The following DDAH1 variants were observed in gnomAD, a reference collection of about 807,000 sequenced individuals.
DDAH1 encodes N(G),N(G)-dimethylarginine dimethylaminohydrolase 1.
A neutral mutation model predicts 28.8 loss-of-function variants in DDAH1; 19 were observed. The observed-to-expected ratio is 0.66, with a 90% confidence interval of 0.46 to 0.97. DDAH1 has a LOEUF of 0.97. Among genes scored for constraint, DDAH1 ranks in the 50% least tolerant of loss-of-function variants. The pLI, the probability that DDAH1 is intolerant of heterozygous loss-of-function variation, is 0.00. For missense variants in DDAH1, 326 were observed against 375.9 expected, an observed-to-expected ratio of 0.87 and a Z score of 1.10; for synonymous variants, 153 against 154.4, an observed-to-expected ratio of 0.99 and a Z score of 0.07.
At chr1:85,345,988 T>G (rs1366026980) in intron 4 of DDAH1, among the ~76,000 whole-genome samples, 1 of 152,188 alleles carries the variant, frequency 6.6e-6, no homozygotes, top group East Asian at 1.9e-4. Context: ...CTATTAACTC[T>G]ACTATAATCT....
At chr1:85,439,186 A>C (rs1008587331) in intron 1 of DDAH1, among the ~76,000 whole-genome samples, 6 of 152,188 alleles carry the variant, frequency 3.9e-5, no homozygotes, top group Non-Finnish European at 8.8e-5. Flanking sequence ...CAGGGGTGGA[A>C]TATGAATGTT....
chr1:85,521,240 T>C (rs1392752715), intron 1 of DDAH1, among the ~76,000 whole-genome samples: 16 of 151,640 alleles, frequency 1.1e-4, no homozygotes, highest in African/African-American at 3.9e-4. Context: ...AACCACTGAT[T>C]GGAAACTTGA....
intron 1 of DDAH1, among the ~76,000 whole-genome samples, chr1:85,381,915 T>C (rs917867641): frequency 1.2e-4 from 18 of 152,158 alleles, no homozygotes; most frequent in African/African-American, 3.9e-4. Context: ...GACTACTCCA[T>C]TGACTGGTTT....
intron 1 of DDAH1, among the ~76,000 whole-genome samples, chr1:85,440,843 T>C (rs971823373): frequency 2.1e-5 from 3 of 139,692 alleles, no homozygotes; most frequent in Non-Finnish European, 4.8e-5. Flanking sequence ...CTCGGAAATG[T>C]ATTTCTTCCA....
At chr1:85,518,548 G>A (rs1178503034) in intron 1 of DDAH1, among the ~76,000 whole-genome samples, 1 of 152,088 alleles carries the variant, frequency 6.6e-6, no homozygotes, top group Non-Finnish European at 1.5e-5. Context: ...GCGACAGGGT[G>A]GTGAATCCTT....
intron 1 of DDAH1, among the ~76,000 whole-genome samples, chr1:85,383,785 T>C (rs11811186): frequency 0.029 from 4,406 of 152,284 alleles, 221 homozygotes; most frequent in African/African-American, 0.1. Context: ...AGAAAAAGAT[T>C]ATGACTTGCT....
Position 85,465,125 on chromosome 1 carries a change from G to C in DDAH1, c.-80C>G, listed in dbSNP as rs1655315837. 8.5e-7 allele frequency: 1 copy of C among 1,173,388 alleles called. No homozygotes were observed. The highest frequency in any genetic ancestry group is 3.9e-5 in the East Asian group (1 of 25,546). The allele number at this position is 1,173,388 out of a possible 1,614,324, so 72.7% of individuals were successfully genotyped here. ...CGGGCAGCGCGCGCTGAGCCTGCGAGCGCCCGTCGGCTCCTCTTGGCAGCC... is the reference window on the plus strand; with the variant it reads ...CGGGCAGCGCGCGCTGAGCCTGCGACCGCCCGTCGGCTCCTCTTGGCAGCC... On this transcript the variant is annotated 5_prime_UTR_variant, in exon 1 of 6. Transcript: ENST00000284031.
At chr1:85,357,889 A>G (rs982094336) in intron 2 of DDAH1, among the ~76,000 whole-genome samples, 1 of 152,240 alleles carries the variant, frequency 6.6e-6, no homozygotes, top group Non-Finnish European at 1.5e-5. Flanking sequence ...TAGTAGCCAC[A>G]TTACACACTG....
chr1:85,557,331 C>T (rs1335673528), intron 1 of DDAH1, among the ~76,000 whole-genome samples: 1 of 152,170 alleles, frequency 6.6e-6, no homozygotes, highest in East Asian at 1.9e-4. Context: ...TAGTGTATGG[C>T]TATGTGACAT....
At chr1:85,376,471 T>C (rs1367148329) in intron 1 of DDAH1, among the ~76,000 whole-genome samples, 2 of 152,160 alleles carry the variant, frequency 1.3e-5, no homozygotes, top group Admixed American at 6.6e-5. Context: ...TCTATATCCA[T>C]CTTAGAGCTT....
At chr1:85,339,618 T>C (rs1311484718) in intron 4 of DDAH1, among the ~76,000 whole-genome samples, 1 of 152,186 alleles carries the variant, frequency 6.6e-6, no homozygotes, top group African/African-American at 2.4e-5. Flanking sequence ...TGTCAGTATT[T>C]CTAAGGATGA....
At chr1:85,420,085 G>T (rs1224778454) in intron 1 of DDAH1, among the ~76,000 whole-genome samples, 1 of 152,082 alleles carries the variant, frequency 6.6e-6, no homozygotes, top group Non-Finnish European at 1.5e-5. Context: ...TGGCTAGATG[G>T]GGTTCGACTG....
At chr1:85,395,007 G>C (rs921715711) in intron 1 of DDAH1, among the ~76,000 whole-genome samples, 4 of 152,074 alleles carry the variant, frequency 2.6e-5, no homozygotes, top group Admixed American at 6.6e-5. Context: ...GTTACTAAAA[G>C]TTAAAAATTC....
rs140808162 is a variant in DDAH1, at chr1:85,416,938, G to A, written c.303+47805C>T. Among the ~76,000 whole-genome samples, 716 of 152,210 alleles carry A rather than the reference G, an allele frequency of 4.7e-3. 2 individuals carry two copies. The highest frequency in any genetic ancestry group is 0.017 in the African/African-American group (687 of 41,520). ...CTGCATTGGCCTCCCAAATAGGTGG[G>A]ATTACAAGCATGAGCCACTACTGCA... On this transcript the variant is annotated intron_variant, in intron 1 of 5. Coordinates refer to ENST00000284031, the MANE Select transcript of DDAH1 (RefSeq NM_012137.4).
intron 1 of DDAH1, among the ~76,000 whole-genome samples, chr1:85,424,946 ACAGTCATC>A (rs1557613556): frequency 6.6e-6 from 1 of 152,134 alleles, no homozygotes; most frequent in East Asian, 1.9e-4. Flanking sequence ...GAGAATGATC[ACAGTCATC>A]CAGTCTATTG....
chr1:85,428,604 T>C (rs1191813201), intron 1 of DDAH1, among the ~76,000 whole-genome samples: 2 of 152,084 alleles, frequency 1.3e-5, no homozygotes, highest in Non-Finnish European at 2.9e-5. Context: ...AAGGGTAAGG[T>C]TGTTGCCAAG....
intron 5 of DDAH1, among the ~76,000 whole-genome samples, chr1:85,322,819 A>AG: frequency 6.6e-6 from 1 of 152,124 alleles, no homozygotes. Flanking sequence ...CGGCTGAATC[A>AG]GGGGGGCAGT....
intron 1 of DDAH1, among the ~76,000 whole-genome samples, chr1:85,433,746 A>T (rs947368090): frequency 6.6e-6 from 1 of 152,220 alleles, no homozygotes; most frequent in African/African-American, 2.4e-5. Context: ...CATGCAACAT[A>T]ATCTAGTTAT....
intron 1 of DDAH1, among the ~76,000 whole-genome samples, chr1:85,371,356 C>A (rs1570446617): frequency 6.6e-6 from 1 of 152,100 alleles, no homozygotes; most frequent in African/African-American, 2.4e-5. Context: ...CTGGGCACAG[C>A]AGCACATGTC....
Sources: gnomAD v4.1 joint callset for allele counts (sites outside exome capture counted in the v4.1 genomes callset) on GRCh38, gnomAD v4.1.1 for gene constraint, MANE v1.5 for transcripts, NCBI Gene and HGNC (gene_info 2026-07-23, HGNC 2026-07-21) for gene names.